Variants in LRP1B observed in about 807,000 individuals in gnomAD.
LRP1B encodes the protein low-density lipoprotein receptor-related protein 1B.
A neutral mutation model predicts 556.6 loss-of-function variants in LRP1B; 217 were observed. The ratio of observed to expected loss-of-function variants is 0.39; its 90% CI spans 0.35 to 0.44. The LOEUF (loss-of-function observed/expected upper bound fraction) is 0.44, where lower values mean the gene tolerates loss of function less well. Ranked by LOEUF, LRP1B falls within the 20% of genes least tolerant of loss-of-function variation. LRP1B has a pLI of 1.00. For synonymous variants in LRP1B, 2,047 were observed against 1,865.8 expected (o/e 1.10, Z -2.50); for missense variants, 5,053 against 5,620.8 (o/e 0.90, Z 3.23).
chr2:141,892,663 C>G (rs755852619), intron 1 of LRP1B, among the ~76,000 whole-genome samples: 1 of 152,070 alleles, frequency 6.6e-6, no homozygotes, highest in Non-Finnish European at 1.5e-5. Flanking sequence ...TGGAGGGAAG[C>G]TTTTATGATA....
Position 140,325,766 on chromosome 2 carries a change from T to C in LRP1B, c.12336A>G (p.Lys4112=), listed in dbSNP as rs775367275. The change falls in exon 80 of 91, where the codon AAA becomes AAG. Residue 4112 remains lysine (K), a synonymous_variant. Coordinates refer to ENST00000389484, the MANE Select transcript of LRP1B (RefSeq NM_018557.3). ...GSNSVVSVSS[K]QGLLHPHRID... is the part of the protein sequence containing the mutation. ...AGACAAAAGCACTTCACAAACCTTG[T>C]TTGCTGCTGACAGAGACTACTGAAT... The C allele has an allele frequency of 2.9e-5, 47 of 1,606,230 alleles. No homozygotes were observed. The highest frequency in any genetic ancestry group is 3.9e-5 in the Non-Finnish European group (46 of 1,174,980).
intron 2 of LRP1B, among the ~76,000 whole-genome samples, chr2:141,482,606 T>C (rs1246327243): frequency 1.4e-5 from 2 of 146,928 alleles, no homozygotes; most frequent in Non-Finnish European, 2.9e-5. Flanking sequence ...TGAGTGCCTC[T>C]AACTATTTAA....
chr2:141,938,400 A>G (rs189691177), intron 1 of LRP1B, among the ~76,000 whole-genome samples: 1 of 152,266 alleles, frequency 6.6e-6, no homozygotes, highest in African/African-American at 2.4e-5. Flanking sequence ...AAACCACAGT[A>G]AGGTTGGTTA....
At chr2:141,575,650 C>G (rs1368757249) in intron 2 of LRP1B, among the ~76,000 whole-genome samples, 3 of 151,952 alleles carry the variant, frequency 2.0e-5, no homozygotes, top group Non-Finnish European at 4.4e-5. Context: ...AAACTATCAT[C>G]AGAGTGAACA....
At chr2:141,578,485 G>A (rs1269238436) in intron 2 of LRP1B, among the ~76,000 whole-genome samples, 2 of 151,794 alleles carry the variant, frequency 1.3e-5, no homozygotes, top group Admixed American at 6.6e-5. Context: ...CACAGTGAAT[G>A]CTAGATGAGA....
chr2:140,666,200 G>A (rs1685264542), intron 41 of LRP1B, among the ~76,000 whole-genome samples: 1 of 150,954 alleles, frequency 6.6e-6, no homozygotes, highest in African/African-American at 2.4e-5. Context: ...TCACCATCTT[G>A]GCCAGGCTGG....
At chr2:140,912,696 A>G (rs1165452417) in intron 21 of LRP1B, among the ~76,000 whole-genome samples, 1 of 151,868 alleles carries the variant, frequency 6.6e-6, no homozygotes, top group African/African-American at 2.4e-5. Flanking sequence ...CCTTTGAGAA[A>G]AGAAAATAAG....
intron 3 of LRP1B, among the ~76,000 whole-genome samples, chr2:141,360,188 T>G (rs896737227): frequency 1.3e-5 from 2 of 152,200 alleles, no homozygotes; most frequent in Non-Finnish European, 1.5e-5. Context: ...TGATTATTAG[T>G]ATTTCATCTC....
chr2:140,515,331 T>G (rs1689848071), intron 50 of LRP1B, among the ~76,000 whole-genome samples: 1 of 151,996 alleles, frequency 6.6e-6, no homozygotes, highest in Non-Finnish European at 1.5e-5. Context: ...TTGGGTTTGT[T>G]ATACCTGACT....
At chr2:141,473,985 C>T (rs1341608667) in intron 3 of LRP1B, among the ~76,000 whole-genome samples, 2 of 150,590 alleles carry the variant, frequency 1.3e-5, no homozygotes, top group African/African-American at 4.9e-5. Flanking sequence ...TTTTCTTCTT[C>T]AGTAGCTTTA....
chr2:141,624,026 A>T (rs355585), intron 2 of LRP1B, among the ~76,000 whole-genome samples: 2 of 123,042 alleles, frequency 1.6e-5, no homozygotes, highest in African/African-American at 2.9e-5. Flanking sequence ...AAAAAAAAAA[A>T]AAAATTAAAC....
At chr2:141,346,803 C>A (rs1177736305) in intron 3 of LRP1B, among the ~76,000 whole-genome samples, 2 of 152,062 alleles carry the variant, frequency 1.3e-5, no homozygotes, top group African/African-American at 4.8e-5. Flanking sequence ...CTTACATTTC[C>A]TCATTATCAA....
chr2:140,524,414 G>T (rs1469446725), intron 49 of LRP1B, among the ~76,000 whole-genome samples: 1 of 151,894 alleles, frequency 6.6e-6, no homozygotes, highest in African/African-American at 2.4e-5. Context: ...GTAGTTTGGA[G>T]ATTTCTCAAA....
intron 83 of LRP1B, 99 bp from the exon 84 acceptor site, chr2:140,298,068 G>T: frequency 8.9e-7 from 1 of 1,127,598 alleles, no homozygotes; most frequent in Non-Finnish European, 1.3e-6. Flanking sequence ...CCAGGTTTCT[G>T]GTCAAGGTCT....
intron 2 of LRP1B, among the ~76,000 whole-genome samples, chr2:141,587,007 C>T (rs1437154227): frequency 6.6e-6 from 1 of 150,748 alleles, no homozygotes; most frequent in African/African-American, 2.4e-5. Flanking sequence ...ATATATGACA[C>T]CTGCATGTAA....
chr2:140,463,648 T>G (rs1687414780), intron 60 of LRP1B, among the ~76,000 whole-genome samples: 1 of 152,206 alleles, frequency 6.6e-6, no homozygotes, highest in Admixed American at 6.5e-5. Flanking sequence ...GATAGAATAT[T>G]GAAAGTTTAT....
Position 140,858,537 on chromosome 2 carries a change from GA to G in LRP1B, c.4580-6755del, listed in dbSNP as rs1382768325. 3.3e-5 allele frequency among the ~76,000 whole-genome samples: 4 copies of G among 120,826 alleles called. No individual in the cohort carries two copies. In the South Asian group the frequency reaches 8.7e-4, roughly 26 times the overall value. The allele number at this position is 120,826 out of a possible 152,430, so 79.3% of individuals were successfully genotyped here. A position where few individuals can be genotyped will look rare whatever the true frequency, so the allele number is the denominator to read the frequency against. On this transcript the variant is annotated intron_variant, in intron 27 of 90. Coordinates refer to ENST00000389484, the MANE Select transcript of LRP1B (RefSeq NM_018557.3). ...GAGAGAGAGAGAGAGAGAAAGGAAA[GA>G]GAAAGAGAAATTTAATTTATATGAC... is the stretch of plus-strand genomic sequence containing the variant.
At chr2:141,270,571 T>C (rs1340934951) in intron 3 of LRP1B, among the ~76,000 whole-genome samples, 1 of 152,038 alleles carries the variant, frequency 6.6e-6, no homozygotes, top group East Asian at 1.9e-4. Context: ...TAACATAATA[T>C]AGCATTTGCA....
chr2:141,636,198 T>C (rs1689103506), intron 2 of LRP1B, among the ~76,000 whole-genome samples: 1 of 152,138 alleles, frequency 6.6e-6, no homozygotes, highest in Non-Finnish European at 1.5e-5. Context: ...AACAGGTATA[T>C]ACTACTTAAC....
Sources: gnomAD v4.1 joint callset for allele counts (sites outside exome capture counted in the v4.1 genomes callset) on GRCh38, gnomAD v4.1.1 for gene constraint, MANE v1.5 for transcripts, NCBI Gene and HGNC (gene_info 2026-07-23, HGNC 2026-07-21) for gene names.